Variants in SPACA7 observed in about 807,000 individuals in gnomAD.
The protein encoded by SPACA7 is sperm acrosome-associated protein 7.
In SPACA7, 19 loss-of-function variants were observed where a neutral mutation model predicts 26.3. The ratio of observed to expected loss-of-function variants is 0.72; its 90% CI spans 0.50 to 1.06. The LOEUF is 1.06. Ranked by LOEUF, SPACA7 falls within the 50% of genes least tolerant of loss-of-function variation. The probability of loss-of-function intolerance (pLI) is 0.00; values close to 1 mark genes in which losing one functional copy is unlikely to be tolerated. For missense variants in SPACA7, 211 were observed against 229.9 expected (o/e 0.92, Z 0.53); for synonymous variants, 84 against 84.5 (o/e 0.99, Z 0.04).
intron 5 of SPACA7, among the ~76,000 whole-genome samples, chr13:112,419,613 T>C (rs991721045): frequency 1.3e-5 from 2 of 152,186 alleles, no homozygotes; most frequent in Non-Finnish European, 2.9e-5. Flanking sequence ...TTAAACTACC[T>C]TGGGGCCAGG....
At position 112,393,003 on chromosome 13, in the gene SPACA7, G is replaced by C; in HGVS notation, c.95-18G>C. 1 of 1,604,332 alleles carries C rather than the reference G, an allele frequency of 6.2e-7. No homozygotes were observed. The highest frequency in any genetic ancestry group is 8.5e-7 in the Non-Finnish European group (1 of 1,172,544). On this transcript the variant is annotated intron_variant, in intron 1 of 6. Coordinates refer to ENST00000283550, the MANE Select transcript of SPACA7 (RefSeq NM_145248.5). ...TCAATGAACATTGTTAAACTGTAGG[G>C]TTTTTATTTCCTTCTAGGTTCACCT...
chr13:112,424,743 C>T (rs1365033351), intron 5 of SPACA7, among the ~76,000 whole-genome samples: 1 of 152,098 alleles, frequency 6.6e-6, no homozygotes, highest in African/African-American at 2.4e-5. Context: ...TGATTTAGCT[C>T]AGCTCCTAAG....
At chr13:112,432,565 C>A (rs781156658) in intron 6 of SPACA7, 44 bp downstream of exon 6, 24 of 1,430,774 alleles carry the variant, frequency 1.7e-5, no homozygotes, top group South Asian at 1.5e-4. Flanking sequence ...TTTGGGGATT[C>A]TTTTCCTGCT....
At chr13:112,401,386 A>G (rs773573913) in intron 5 of SPACA7, among the ~76,000 whole-genome samples, 1 of 152,088 alleles carries the variant, frequency 6.6e-6, no homozygotes, top group Non-Finnish European at 1.5e-5. Context: ...TTTTTATACC[A>G]CTTTTGTAAA....
intron 5 of SPACA7, among the ~76,000 whole-genome samples, chr13:112,418,900 G>A (rs1886851032): frequency 6.6e-6 from 1 of 152,104 alleles, no homozygotes; most frequent in Non-Finnish European, 1.5e-5. Flanking sequence ...GTGGGTGCCT[G>A]TAATTCCAGC....
At position 112,393,087 on chromosome 13, in the gene SPACA7, C is replaced by G. The variant is rs1326738173; in HGVS notation, c.151+10C>G. ...ATGTCTGAATTATTAGGTAAGGAAG[C>G]CCCTCCTATCAACCTCTGGCCTGTA... On this transcript the variant is annotated intron_variant, in intron 2 of 6. Transcript: ENST00000283550. 9.3e-6 allele frequency: 15 copies of G among 1,610,916 alleles called. No homozygotes were observed. The highest frequency in any genetic ancestry group is 2.2e-5 in the South Asian group (2 of 90,704).
rs115377632 is a variant in SPACA7, at chr13:112,398,378, G to A, written c.241+240G>A. ...CCCTTTACTCTGGGATCTCTGGAGT[G>A]CGTGTTCAGGCACGTTCTCGCCCTC... On this transcript the variant is annotated intron_variant, in intron 3 of 6. Coordinates refer to ENST00000283550, the MANE Select transcript of SPACA7 (RefSeq NM_145248.5). 2.3e-3 allele frequency among the ~76,000 whole-genome samples: 350 copies of A among 152,092 alleles called. 3 individuals are homozygous for A. Among genetic ancestry groups the A allele is most frequent in the African/African-American group, 7.8e-3 (324 of 41,432 alleles).
chr13:112,399,089 C>G lies in SPACA7; in HGVS notation c.265C>G (p.Gln89Glu). 1 of 1,608,614 alleles carries G rather than the reference C, an allele frequency of 6.2e-7. No homozygotes were observed. The highest frequency in any genetic ancestry group is 8.5e-7 in the Non-Finnish European group (1 of 1,175,808). Residue 89 changes from glutamine to glutamate, a missense_variant, in exon 4 of 7, where the codon CAA becomes GAA. Gln to Glu is a conservative substitution (Grantham distance 29, BLOSUM62 2). Coordinates refer to ENST00000283550, the MANE Select transcript of SPACA7 (RefSeq NM_145248.5). ...PLHAGIDENY[Q>E]AGGSENYHEL... ...AGATGCTGGTATTGATGAGAATTATCAAGCTGGTGGTTCTGAGAATTACCA... is the reference window on the plus strand; with the variant it reads ...AGATGCTGGTATTGATGAGAATTATGAAGCTGGTGGTTCTGAGAATTACCA...
chr13:112,393,814 C>T (rs546803020), intron 2 of SPACA7, among the ~76,000 whole-genome samples: 11 of 152,044 alleles, frequency 7.2e-5, no homozygotes, highest in South Asian at 2.1e-4. Flanking sequence ...GGTGAAACCC[C>T]GCCTCTACTA....
chr13:112,407,239 G>A (rs1223082029), intron 5 of SPACA7, among the ~76,000 whole-genome samples: 1 of 152,198 alleles, frequency 6.6e-6, no homozygotes, highest in East Asian at 1.9e-4. Context: ...GAAATTTATA[G>A]CACTAAATGC....
intron 5 of SPACA7, among the ~76,000 whole-genome samples, chr13:112,425,993 A>C (rs1180197057): frequency 6.6e-6 from 1 of 152,236 alleles, no homozygotes; most frequent in Non-Finnish European, 1.5e-5. Context: ...TCATATGTTT[A>C]GTCACTACTG....
At position 112,393,060 on chromosome 13, in the gene SPACA7, A is replaced by G; in HGVS notation, c.134A>G (p.Asp45Gly). ...ATACCATTCAGTTCAAAACAGGAGG[A>G]TATGTCTGAATTATTAGGTAAGGAA... ...TEIPFSSKQE[D>G]MSELLDEILV... Residue 45 changes from aspartate (D) to glycine (G), a missense_variant, in exon 2 of 7, where the codon GAT (aspartate) becomes GGT (glycine). By Grantham distance (94) the Asp-to-Gly change is moderately conservative. Transcript: ENST00000283550. The G allele has an allele frequency of 6.2e-7, 1 of 1,612,952 alleles. No individual in the cohort carries two copies. The highest frequency in any genetic ancestry group is 8.5e-7 in the Non-Finnish European group (1 of 1,179,290).
chr13:112,380,928 G>A (rs1346451763), intron 1 of SPACA7, among the ~76,000 whole-genome samples: 1 of 152,146 alleles, frequency 6.6e-6, no homozygotes, highest in Non-Finnish European at 1.5e-5. Flanking sequence ...TAACAAAGTA[G>A]CAAATTGTAT....
rs1330555 is a variant in SPACA7, at chr13:112,380,100, T to A, written c.94+3621T>A. ...GACTACTCAACAGGTAAGAAACAAG[T>A]ACCTCTTACAATCTCTTATTAAGAA... On this transcript the variant is annotated intron_variant, in intron 1 of 6. Transcript: ENST00000283550. Among the ~76,000 whole-genome samples, 3 of 152,008 alleles carry A rather than the reference T, an allele frequency of 2.0e-5. No individual in the cohort carries two copies. In the East Asian group the frequency reaches 5.8e-4, roughly 29 times the overall value.
intron 5 of SPACA7, among the ~76,000 whole-genome samples, chr13:112,422,680 C>T (rs997198506): frequency 2.6e-5 from 4 of 152,206 alleles, no homozygotes; most frequent in Admixed American, 1.3e-4. Context: ...TTATGCAACA[C>T]ACTTCTCAAT....
chr13:112,409,866 G>T (rs887990974), intron 5 of SPACA7, among the ~76,000 whole-genome samples: 27 of 152,142 alleles, frequency 1.8e-4, no homozygotes, highest in Non-Finnish European at 1.6e-4. Context: ...CCATTAGTGG[G>T]TATATACCCA....
intron 5 of SPACA7, among the ~76,000 whole-genome samples, chr13:112,432,218 A>C (rs951890114): frequency 6.6e-6 from 1 of 152,186 alleles, no homozygotes; most frequent in African/African-American, 2.4e-5. Flanking sequence ...GACTCCACGC[A>C]TTGCTTCGGC....
intron 5 of SPACA7, among the ~76,000 whole-genome samples, chr13:112,426,654 T>G (rs972386110): frequency 5.9e-5 from 9 of 152,234 alleles, no homozygotes; most frequent in Admixed American, 1.3e-4. Flanking sequence ...ACTGATATTA[T>G]TATAAATGGC....
At chr13:112,420,426 A>G (rs1002965495) in intron 5 of SPACA7, among the ~76,000 whole-genome samples, 1 of 152,200 alleles carries the variant, frequency 6.6e-6, no homozygotes, top group Admixed American at 6.5e-5. Flanking sequence ...TAATTTCTTA[A>G]ATTAAGAATT....
Sources: gnomAD v4.1 joint callset for allele counts (sites outside exome capture counted in the v4.1 genomes callset) on GRCh38, gnomAD v4.1.1 for gene constraint, MANE v1.5 for transcripts, NCBI Gene and HGNC (gene_info 2026-07-23, HGNC 2026-07-21) for gene names.